GPHN: variants seen among roughly 807,000 people sequenced by gnomAD.
GPHN encodes gephyrin.
GPHN carries 17 observed loss-of-function variants against 95.5 expected under a neutral mutation model. The observed-to-expected ratio is 0.18, with a 90% CI of 0.12 to 0.27. GPHN has a LOEUF of 0.27. GPHN is among the 10% of genes least tolerant of loss of function. The pLI is 1.00. For synonymous variants in GPHN, 320 were observed against 322.5 expected, an observed-to-expected ratio of 0.99 and a Z score of 0.08; for missense variants, 660 against 978.1, an observed-to-expected ratio of 0.67 and a Z score of 4.34.
At chr14:66,798,836 A>G (rs767276240) in intron 3 of GPHN, among the ~76,000 whole-genome samples, 1 of 146,650 alleles carries the variant, frequency 6.8e-6, no homozygotes, top group Non-Finnish European at 1.5e-5. Flanking sequence ...TCTGATCTTT[A>G]TTTCTTTTCT....
intron 18 of GPHN, among the ~76,000 whole-genome samples, chr14:67,146,560 GTT>G (rs1167540786): frequency 6.6e-6 from 1 of 152,140 alleles, no homozygotes; most frequent in African/African-American, 2.4e-5. Context: ...AGTCTCTTAA[GTT>G]TTGCTAATAG....
the GPHN span, among the ~76,000 whole-genome samples, chr14:67,489,557 A>C: frequency 2.6e-5 from 4 of 152,104 alleles, no homozygotes. Context: ...TGCAGCCACC[A>C]TTCTGACTCC....
intron 11 of GPHN, among the ~76,000 whole-genome samples, chr14:67,068,183 A>C (rs186043814): frequency 1.3e-5 from 2 of 152,326 alleles, no homozygotes; most frequent in East Asian, 3.9e-4. Flanking sequence ...TGTTCATTTC[A>C]CTATAGCATA....
intron 11 of GPHN, among the ~76,000 whole-genome samples, chr14:67,070,861 G>T (rs1319509690): frequency 6.6e-6 from 1 of 151,440 alleles, no homozygotes; most frequent in African/African-American, 2.4e-5. Flanking sequence ...CTATGTAATT[G>T]AATAAAATTA....
At chr14:67,543,935 C>G in the GPHN span, among the ~76,000 whole-genome samples, 1 of 152,078 alleles carries the variant, frequency 6.6e-6, no homozygotes, top group African/African-American at 2.4e-5. Flanking sequence ...ACTCTGACAG[C>G]TGATTGAGGG....
the GPHN span, among the ~76,000 whole-genome samples, chr14:67,226,095 G>A: frequency 6.6e-6 from 1 of 152,196 alleles, no homozygotes; most frequent in Admixed American, 6.5e-5. Context: ...CTTGCTGATG[G>A]AATCAAGGTG....
the GPHN span, among the ~76,000 whole-genome samples, chr14:67,643,568 A>G: frequency 1.3e-5 from 2 of 152,260 alleles, no homozygotes; most frequent in African/African-American, 4.8e-5. Flanking sequence ...GCATGCCTGC[A>G]GGCCCAGCTA....
At chr14:66,994,535 T>C (rs1289324071) in intron 9 of GPHN, among the ~76,000 whole-genome samples, 2 of 152,210 alleles carry the variant, frequency 1.3e-5, no homozygotes, top group South Asian at 2.1e-4. Context: ...TCCTCGGAAC[T>C]GACTTTAATT....
chr14:66,995,501 C>T (rs1473119206), intron 9 of GPHN, among the ~76,000 whole-genome samples: 1 of 152,070 alleles, frequency 6.6e-6, no homozygotes, highest in Non-Finnish European at 1.5e-5. Flanking sequence ...CTTTAAAATT[C>T]CTGAATGTTA....
chr14:67,293,308 T>C, the GPHN span, among the ~76,000 whole-genome samples: 1 of 152,190 alleles, frequency 6.6e-6, no homozygotes, highest in Non-Finnish European at 1.5e-5. Context: ...AAAAAGGGTA[T>C]AAATAAACTC....
At chr14:67,633,269 C>CT in the GPHN span, among the ~76,000 whole-genome samples, 9 of 151,220 alleles carry the variant, frequency 6.0e-5, no homozygotes, top group Admixed American at 4.0e-4. Context: ...TAGGTTCTCT[C>CT]TTTTTTTTTC....
intron 1 of GPHN, among the ~76,000 whole-genome samples, chr14:66,665,291 C>CA (rs1425978234): frequency 6.6e-6 from 1 of 152,088 alleles, no homozygotes; most frequent in African/African-American, 2.4e-5. Context: ...AGCTTTATCT[C>CA]AAAAAACTGA....
intron 3 of GPHN, among the ~76,000 whole-genome samples, chr14:66,819,516 A>G (rs1029973835): frequency 5.3e-5 from 8 of 152,150 alleles, no homozygotes; most frequent in Middle Eastern, 3.4e-3. Flanking sequence ...CCATTGGTCC[A>G]TGTGTCTTTT....
rs1228607111 is a variant in GPHN at position 66,858,665 on chromosome 14, T to TAG, written c.295-21274_295-21273insAG. 2.0e-5 allele frequency among the ~76,000 whole-genome samples: 3 copies of TAG among 151,966 alleles called. No individual in the cohort carries two copies. In the East Asian group the frequency reaches 5.9e-4, roughly 30 times the overall value. On this transcript the variant is annotated intron_variant, in intron 4 of 22. Transcript: ENST00000478722. ...GAGAAAAAGTAAAGGGGATTTTGTC[T>TAG]TGCACCTTAGGGGAGTAGAGCACCA...
chr14:67,311,617 G>A, the GPHN span, among the ~76,000 whole-genome samples: 1 of 152,150 alleles, frequency 6.6e-6, no homozygotes, highest in Non-Finnish European at 1.5e-5. Flanking sequence ...CTTCTTAGAA[G>A]TAAGAATAGT....
chr14:66,530,490 G>A (rs892892105), intron 1 of GPHN, among the ~76,000 whole-genome samples: 4 of 151,752 alleles, frequency 2.6e-5, no homozygotes, highest in African/African-American at 9.7e-5. Context: ...GTACCACTGG[G>A]GTATGAAAAA....
intron 9 of GPHN, among the ~76,000 whole-genome samples, chr14:66,967,800 A>G (rs2069447722): frequency 6.6e-6 from 1 of 151,960 alleles, no homozygotes; most frequent in Non-Finnish European, 1.5e-5. Flanking sequence ...AAATAATAGC[A>G]GGGGAACTTC....
chr14:67,004,046 G>A (rs1378425302), intron 9 of GPHN, among the ~76,000 whole-genome samples: 2 of 151,638 alleles, frequency 1.3e-5, no homozygotes, highest in Non-Finnish European at 3.0e-5. Context: ...TCCTCAGAAG[G>A]GATATTCTGG....
chr14:67,118,745 G>C (rs936385318), intron 16 of GPHN, among the ~76,000 whole-genome samples: 12 of 151,512 alleles, frequency 7.9e-5, no homozygotes, highest in African/African-American at 2.9e-4. Flanking sequence ...AAAAAAAAAA[G>C]ATTCATCCCT....
Sources: gnomAD v4.1 joint callset for allele counts (sites outside exome capture counted in the v4.1 genomes callset) on GRCh38, gnomAD v4.1.1 for gene constraint, MANE v1.5 for transcripts, NCBI Gene and HGNC (gene_info 2026-07-23, HGNC 2026-07-21) for gene names.